Variants in MYO3A observed in about 807,000 individuals in gnomAD.
MYO3A encodes the protein myosin IIIA, also known as myosin-IIIa.
Under a neutral mutation model 192.7 loss-of-function variants are expected in MYO3A, and 180 were observed. The ratio of observed to expected loss-of-function variants is 0.93; its 90% CI spans 0.83 to 1.06. The LOEUF (loss-of-function observed/expected upper bound fraction) is 1.06. Among genes scored for constraint, MYO3A ranks in the 50% least tolerant of loss-of-function variants. The probability of loss-of-function intolerance (pLI) is 0.00; values close to 1 mark genes in which losing one functional copy is unlikely to be tolerated. For missense variants in MYO3A, 1,896 were observed against 1,905.0 expected (o/e 1.00, Z 0.09); for synonymous variants, 628 against 645.3 (o/e 0.97, Z 0.41).
chr10:26,202,807 C>T, intron 33 of MYO3A, 157 bp from the exon 34 acceptor site: 1 of 779,210 alleles, frequency 1.3e-6, no homozygotes, highest in Non-Finnish European at 2.0e-6. Flanking sequence ...ATGGGATACA[C>T]TGTTTTTCCC....
rs188759662 is a variant in MYO3A, at chr10:26,065,195, G to A, written c.954-1780G>A. 1.8e-4 allele frequency among the ~76,000 whole-genome samples: 28 copies of A among 152,248 alleles called. No homozygotes were observed. In the East Asian group the frequency reaches 3.3e-3, roughly 18 times the overall value. On this transcript the variant is annotated intron_variant, in intron 10 of 34. Coordinates refer to ENST00000642920, the MANE Select transcript of MYO3A (RefSeq NM_017433.5). ...GCGCCTGGTAGATTAGGTAAAATGA[G>A]GACTTAAAATTGACCATTGGATTTA...
At chr10:25,962,586 A>G (rs2130658248) in intron 4 of MYO3A, among the ~76,000 whole-genome samples, 1 of 152,264 alleles carries the variant, frequency 6.6e-6, no homozygotes, top group Middle Eastern at 3.4e-3. Context: ...TACCTTATGT[A>G]TATTCCTTTC....
intron 4 of MYO3A, among the ~76,000 whole-genome samples, chr10:25,991,835 A>G (rs1588718141): frequency 6.6e-6 from 1 of 151,858 alleles, no homozygotes; most frequent in East Asian, 1.9e-4. Flanking sequence ...GATGTGTGGT[A>G]TTATTTCTGA....
At chr10:26,152,915 A>G (rs570286132) in intron 23 of MYO3A, among the ~76,000 whole-genome samples, 2 of 152,214 alleles carry the variant, frequency 1.3e-5, no homozygotes, top group Non-Finnish European at 2.9e-5. Flanking sequence ...TCCTTCCTGC[A>G]CCATCTTAGG....
At chr10:26,164,881 G>A (rs1841660716) in intron 26 of MYO3A, among the ~76,000 whole-genome samples, 1 of 152,238 alleles carries the variant, frequency 6.6e-6, no homozygotes, top group Non-Finnish European at 1.5e-5. Context: ...TGGACAGGCT[G>A]TGAATGCAGA....
intron 34 of MYO3A, among the ~76,000 whole-genome samples, chr10:26,204,658 G>A (rs1246420839): frequency 6.6e-6 from 1 of 152,202 alleles, no homozygotes; most frequent in East Asian, 1.9e-4. Context: ...TAGATGATAA[G>A]TTCATGGAGC....
At chr10:26,125,711 A>T (rs531189022) in intron 19 of MYO3A, 103 bp downstream of exon 19, 7 of 969,444 alleles carry the variant, frequency 7.2e-6, no homozygotes, top group Non-Finnish European at 1.1e-5. Flanking sequence ...TGTTTCTATA[A>T]TTGATGTAAT....
At chr10:26,198,949 G>A (rs1279423212) in intron 32 of MYO3A, among the ~76,000 whole-genome samples, 2 of 151,826 alleles carry the variant, frequency 1.3e-5, no homozygotes, top group African/African-American at 4.8e-5. Context: ...GTACATCTTC[G>A]CAAAAAAGTC....
chr10:25,976,506 T>C (rs186408643), intron 4 of MYO3A, among the ~76,000 whole-genome samples: 74 of 152,302 alleles, frequency 4.9e-4, no homozygotes, highest in African/African-American at 1.7e-3. Flanking sequence ...AAAAATCTCA[T>C]GTCCCCTCCT....
At chr10:26,059,670 G>T (rs964492513) in intron 10 of MYO3A, among the ~76,000 whole-genome samples, 34 of 152,044 alleles carry the variant, frequency 2.2e-4, no homozygotes, top group African/African-American at 8.2e-4. Flanking sequence ...TTTAATTTTG[G>T]CATTTGCCGT....
At chr10:25,996,227 A>T (rs891236162) in intron 4 of MYO3A, among the ~76,000 whole-genome samples, 4 of 152,136 alleles carry the variant, frequency 2.6e-5, no homozygotes, top group Admixed American at 2.6e-4. Flanking sequence ...CATAATTCTT[A>T]TCCTTGCATT....
rs1221436328 is a variant in MYO3A at position 26,159,133 on chromosome 10, GGCGCCCGCCACCAC to G, written c.2999+1621_2999+1634del. Among the ~76,000 whole-genome samples, 23 of 150,668 alleles carry G rather than the reference GGCGCCCGCCACCAC, an allele frequency of 1.5e-4. No individual in the cohort carries two copies. In the East Asian group the frequency reaches 4.1e-3, roughly 27 times the overall value. On this transcript the variant is annotated intron_variant, in intron 26 of 34. Transcript: ENST00000642920. ...AGCCTCCTGAATAGCTAGAACTACA[GGCGCCCGCCACCAC>G]GCCCGGCTAATTTTTTGTACTTTTA...
intron 4 of MYO3A, among the ~76,000 whole-genome samples, chr10:25,966,863 G>A (rs1253065533): frequency 6.6e-6 from 1 of 152,158 alleles, no homozygotes; most frequent in Non-Finnish European, 1.5e-5. Flanking sequence ...CATAAACAAC[G>A]AGAAAGCTAG....
intron 9 of MYO3A, among the ~76,000 whole-genome samples, chr10:26,024,409 C>T (rs1254704236): frequency 6.6e-6 from 1 of 152,156 alleles, no homozygotes; most frequent in African/African-American, 2.4e-5. Context: ...TTAGGTTTCG[C>T]TTCTTTATCC....
At chr10:25,950,165 G>A (rs1367348194) in intron 2 of MYO3A, among the ~76,000 whole-genome samples, 3 of 152,106 alleles carry the variant, frequency 2.0e-5, no homozygotes, top group Admixed American at 2.0e-4. Context: ...AGATCTACAG[G>A]ACAAGAAGGA....
At chr10:26,176,122 G>A (rs1259416202) in intron 30 of MYO3A, among the ~76,000 whole-genome samples, 1 of 152,020 alleles carries the variant, frequency 6.6e-6, no homozygotes, top group East Asian at 1.9e-4. Context: ...GTGAAACCCT[G>A]TCTCTACTAA....
At chr10:26,179,742 A>G (rs1015517758) in intron 31 of MYO3A, among the ~76,000 whole-genome samples, 2 of 152,254 alleles carry the variant, frequency 1.3e-5, no homozygotes, top group Non-Finnish European at 2.9e-5. Flanking sequence ...AGAAAGAAAA[A>G]TATACGAAGT....
At chr10:26,012,632 G>C (rs1337543414) in intron 6 of MYO3A, among the ~76,000 whole-genome samples, 1 of 152,100 alleles carries the variant, frequency 6.6e-6, no homozygotes, top group Non-Finnish European at 1.5e-5. Flanking sequence ...TCATGGATTG[G>C]AAGAATCAAT....
chr10:26,204,538 A>C (rs1380243026), intron 34 of MYO3A: 1 of 152,234 alleles, frequency 6.6e-6, no homozygotes, highest in East Asian at 1.9e-4. Flanking sequence ...GCACTATGCC[A>C]TTGTCTCATT....
Sources: allele counts gnomAD v4.1 joint callset (sites outside exome capture counted in the v4.1 genomes callset), GRCh38; gene constraint gnomAD v4.1.1; transcripts MANE v1.5; gene names NCBI Gene and HGNC (gene_info 2026-07-23, HGNC 2026-07-21).